Variants in DAB1 observed in about 807,000 individuals in gnomAD.
DAB1 encodes DAB adaptor protein 1, also known as disabled homolog 1.
Under a neutral mutation model 64.6 loss-of-function variants are expected in DAB1, and 15 were observed. The ratio of observed to expected loss-of-function variants is 0.23; its 90% CI spans 0.16 to 0.36. The LOEUF (loss-of-function observed/expected upper bound fraction) is 0.36. Among genes scored for constraint, DAB1 ranks in the 10% least tolerant of loss-of-function variants. The pLI is 1.00. For synonymous variants in DAB1, 235 were observed against 251.9 expected (o/e 0.93, Z 0.64); for missense variants, 596 against 706.7 (o/e 0.84, Z 1.78).
At chr1:58,104,642 C>G (rs907457786) in intron 5 of DAB1, among the ~76,000 whole-genome samples, 1 of 152,158 alleles carries the variant, frequency 6.6e-6, no homozygotes, top group Non-Finnish European at 1.5e-5. Flanking sequence ...TTCCTTTAAC[C>G]TATTTATTTA....
chr1:57,895,462 A>G (rs1486886972), intron 5 of DAB1, among the ~76,000 whole-genome samples: 1 of 152,164 alleles, frequency 6.6e-6, no homozygotes, highest in African/African-American at 2.4e-5. Context: ...GAAACAACTA[A>G]ATCAACCATT....
chr1:57,852,766 T>C lies in DAB1; in HGVS notation n.88-26311A>G, dbSNP rs577300532. On this transcript the variant is annotated intron_variant and non_coding_transcript_variant, in intron 1 of 1. Transcript: ENST00000477280. The stretch of plus-strand genomic sequence containing the variant: ...CCCTGCTTTATGTTTCTCATTTACA[T>C]TTATTATTATCTGTCACACTTACAC... Among the ~76,000 whole-genome samples, 303 of 152,252 alleles carry C rather than the reference T, an allele frequency of 2.0e-3. 1 individual carries two copies. Among genetic ancestry groups the C allele is most frequent in the African/African-American group, 7.2e-3 (298 of 41,556 alleles).
chr1:57,186,584 T>C (rs1663585953), intron 2 of DAB1, among the ~76,000 whole-genome samples: 1 of 152,064 alleles, frequency 6.6e-6, no homozygotes, highest in Non-Finnish European at 1.5e-5. Context: ...AATAAAGAGG[T>C]TGTGCTGACA....
At chr1:57,104,341 G>GA (rs369371253) in intron 4 of DAB1, among the ~76,000 whole-genome samples, 1,693 of 145,142 alleles carry the variant, frequency 0.012, 35 homozygotes, top group African/African-American at 0.039. Context: ...TGATGAATTG[G>GA]AAAAAAAAAA....
chr1:58,171,879 C>T (rs1204446739), intron 4 of DAB1, among the ~76,000 whole-genome samples: 2 of 152,234 alleles, frequency 1.3e-5, no homozygotes, highest in Non-Finnish European at 2.9e-5. Flanking sequence ...AGGTTGAAGG[C>T]CCAGCTTTGC....
chr1:57,556,856 A>G (rs919193788), intron 7 of DAB1, among the ~76,000 whole-genome samples: 1 of 152,202 alleles, frequency 6.6e-6, no homozygotes, highest in East Asian at 1.9e-4. Context: ...TGCCTAAGCC[A>G]ATGTCTAGAA....
At chr1:57,036,191 G>C (rs1647144415) in intron 9 of DAB1, among the ~76,000 whole-genome samples, 1 of 151,942 alleles carries the variant, frequency 6.6e-6, no homozygotes, top group South Asian at 2.1e-4. Context: ...CTTTCCAATG[G>C]CCTCTCTTTA....
chr1:57,346,692 C>A (rs1413091029), intron 1 of DAB1, among the ~76,000 whole-genome samples: 1 of 152,146 alleles, frequency 6.6e-6, no homozygotes, highest in African/African-American at 2.4e-5. Flanking sequence ...AGTATAGAAG[C>A]TCCTCTGAAC....
At chr1:57,053,378 G>C (rs1649383620) in intron 9 of DAB1, among the ~76,000 whole-genome samples, 1 of 151,952 alleles carries the variant, frequency 6.6e-6, no homozygotes, top group South Asian at 2.1e-4. Context: ...CCCCCGAGTA[G>C]CTAGGACTAC....
chr1:57,608,055 G>C (rs550346629), intron 7 of DAB1, among the ~76,000 whole-genome samples: 1 of 152,130 alleles, frequency 6.6e-6, no homozygotes, highest in Admixed American at 6.5e-5. Context: ...TATAATACCT[G>C]AAGACCCAGG....
chr1:57,642,537 C>T (rs1391506677), intron 7 of DAB1, among the ~76,000 whole-genome samples: 2 of 152,196 alleles, frequency 1.3e-5, no homozygotes, highest in Non-Finnish European at 1.5e-5. Context: ...CCCTCCCTCC[C>T]TCAAGCCCCA....
rs199654389 is a variant in DAB1, at chr1:57,312,352, A to G, written c.-136-21186T>C. ...GAAACCTCTTCCTAATGATAAACTC[A>G]GGCAAAGGGTCTCTCCCTTAGTAGT... On this transcript the variant is annotated intron_variant, in intron 1 of 14. Transcript: ENST00000371236. 4.0e-5 allele frequency among the ~76,000 whole-genome samples: 6 copies of G among 151,468 alleles called. No individual in the cohort carries two copies. The East Asian group carries it at 1.2e-3, about 30-fold the overall frequency.
intron 5 of DAB1, among the ~76,000 whole-genome samples, chr1:58,105,202 C>G (rs561944963): frequency 6.6e-6 from 1 of 152,322 alleles, no homozygotes; most frequent in Non-Finnish European, 1.5e-5. Flanking sequence ...AACAGTTCCT[C>G]GTTTTGGTGG....
rs189440889 is a variant in DAB1 at position 57,339,402 on chromosome 1, C to T, written c.-136-48236G>A. On this transcript the variant is annotated intron_variant, in intron 1 of 14. Coordinates refer to ENST00000371236, the MANE Select transcript of DAB1 (RefSeq NM_001365792.1). ...CGATCTCCTGACCTCGTGATCCACA[C>T]GCCTTGGCCTCCCAAAGGGCTGGGA... is the stretch of plus-strand genomic sequence containing the variant. Among the ~76,000 whole-genome samples the T allele has an allele frequency of 3.9e-5, 6 of 152,314 alleles. 1 individual carries two copies. In the South Asian group the frequency reaches 6.2e-4, roughly 16 times the overall value.
chr1:58,044,234 C>T (rs1647192965), intron 5 of DAB1, among the ~76,000 whole-genome samples: 2 of 152,122 alleles, frequency 1.3e-5, no homozygotes, highest in African/African-American at 2.4e-5. Context: ...TTACCCTTGG[C>T]TTTCCTGGTT....
In DAB1 at chr1:57,175,746, T is replaced by C. The variant is rs1569750416; in HGVS notation, c.68-30317A>G. On this transcript the variant is annotated intron_variant, in intron 2 of 14. Transcript: ENST00000371236. ...TTCCAGATGATTCAGGTGCTTGCTA[T>C]CTGCTAACAGAATTCTTATGCTATT... Among the ~76,000 whole-genome samples, 6 of 152,194 alleles carry C rather than the reference T, an allele frequency of 3.9e-5. No homozygotes were observed. In the South Asian group the frequency reaches 1.2e-3, roughly 31 times the overall value.
At chr1:57,579,385 G>A (rs961821938) in intron 7 of DAB1, among the ~76,000 whole-genome samples, 1 of 151,952 alleles carries the variant, frequency 6.6e-6, no homozygotes, top group Admixed American at 6.6e-5. Context: ...GGGAGTACAG[G>A]GTACTCTCAG....
chr1:57,825,305 G>C (rs1433383329), downstream of DAB1, among the ~76,000 whole-genome samples: 1 of 152,164 alleles, frequency 6.6e-6, no homozygotes, highest in East Asian at 1.9e-4. Context: ...GGATGCCCAA[G>C]AGCAACTTAT....
chr1:57,506,579 A>G lies in DAB1; in HGVS notation n.625+143013T>C, dbSNP rs1313035647. Among the ~76,000 whole-genome samples, 7 of 152,206 alleles carry G rather than the reference A, an allele frequency of 4.6e-5. No homozygotes were observed. In the East Asian group the frequency reaches 1.3e-3, roughly 29 times the overall value. ...CTGAACACTGGGCTGGGGCCAATCA[A>G]TGGTCCATGTGGCCTTGCATTTGAT... On this transcript the variant is annotated intron_variant and non_coding_transcript_variant, in intron 7 of 20. Coordinates refer to the DAB1 transcript ENST00000485760.
Sources: allele counts gnomAD v4.1 joint callset (sites outside exome capture counted in the v4.1 genomes callset), GRCh38; gene constraint gnomAD v4.1.1; transcripts MANE v1.5; gene names NCBI Gene and HGNC (gene_info 2026-07-23, HGNC 2026-07-21).